Variants in MTREX observed in about 807,000 individuals in gnomAD.
MTREX encodes the protein Mtr4 exosome RNA helicase.
A neutral mutation model predicts 135.4 loss-of-function variants in MTREX; 76 were observed. The observed-to-expected ratio is 0.56, with a 90% confidence interval of 0.47 to 0.68. The LOEUF (loss-of-function observed/expected upper bound fraction) is 0.68, where lower values mean the gene tolerates loss of function less well. Among genes scored for constraint, MTREX ranks in the 30% least tolerant of loss-of-function variants. MTREX has a pLI of 0.00. For synonymous variants in MTREX, 404 were observed against 401.6 expected, an observed-to-expected ratio of 1.01 and a Z score of -0.07; for missense variants, 920 against 1,262.1, an observed-to-expected ratio of 0.73 and a Z score of 4.11.
rs188864721 is a variant in MTREX at position 55,356,194 on chromosome 5, A to C, written c.1534-2379A>C. 4 of 152,866 alleles carry C rather than the reference A, an allele frequency of 2.6e-5. No individual in the cohort carries two copies. The East Asian group carries it at 5.8e-4, about 22-fold the overall frequency. 9.5% of individuals were successfully genotyped at this position (152,866 alleles called of 1,614,324 possible). On this transcript the variant is annotated intron_variant, in intron 14 of 26. Coordinates refer to ENST00000230640, the MANE Select transcript of MTREX (RefSeq NM_015360.5). ...AAGGAAGTGGGACCAGACATTCTTC[A>C]CCTTTTGCTTGCTGTATAGACCTAT... is the stretch of plus-strand genomic sequence containing the variant.
rs531285287 is a variant in MTREX at position 55,328,075 on chromosome 5, A to G, written c.402+297A>G. Among the ~76,000 whole-genome samples, 5 of 152,244 alleles carry G rather than the reference A, an allele frequency of 3.3e-5. No individual in the cohort carries two copies. In the South Asian group the frequency reaches 6.2e-4, roughly 19 times the overall value. On this transcript the variant is annotated intron_variant, in intron 4 of 26. Coordinates refer to ENST00000230640, the MANE Select transcript of MTREX (RefSeq NM_015360.5). Reference sequence around the variant, plus strand: ...AATACATGTGTACTAGTTTTTGCCTATAGTTTTAGGGTTTTAACAGGCTTC... The same window carrying G: ...AATACATGTGTACTAGTTTTTGCCTGTAGTTTTAGGGTTTTAACAGGCTTC...
intron 11 of MTREX, among the ~76,000 whole-genome samples, chr5:55,348,152 A>T (rs1016671261): frequency 1.3e-5 from 2 of 152,284 alleles, no homozygotes; most frequent in Middle Eastern, 3.4e-3. Context: ...ATCCAATTTG[A>T]GGGACCCAGC....
At chr5:55,325,792 A>C (rs956921840) in intron 3 of MTREX, among the ~76,000 whole-genome samples, 3 of 152,026 alleles carry the variant, frequency 2.0e-5, no homozygotes, top group African/African-American at 7.2e-5. Context: ...CTGCTGTTGG[A>C]GTCCTCAGTG....
At chr5:55,419,132 A>G (rs1312993706) in intron 25 of MTREX, among the ~76,000 whole-genome samples, 4 of 152,212 alleles carry the variant, frequency 2.6e-5, no homozygotes, top group African/African-American at 9.6e-5. Context: ...GGCATGAGCC[A>G]CTGCAGCTGG....
At position 55,308,611 on chromosome 5, in the gene MTREX, A is replaced by G. The variant is rs1250161121; in HGVS notation, c.134+464A>G. Among the ~76,000 whole-genome samples, 8 of 152,190 alleles carry G rather than the reference A, an allele frequency of 5.3e-5. No homozygotes were observed. In the South Asian group the frequency reaches 1.2e-3, roughly 24 times the overall value. On this transcript the variant is annotated intron_variant, in intron 1 of 26. Transcript: ENST00000230640. ...TTTTCTCTTCCGTAAAATGGAGATA[A>G]TAGTGCCTACCACTGGTGGATATGA...
At chr5:55,405,704 G>A (rs1026662947) in intron 22 of MTREX, 116 bp downstream of exon 22, 48 of 756,062 alleles carry the variant, frequency 6.3e-5, no homozygotes, top group Non-Finnish European at 9.3e-5. Flanking sequence ...GTGCACTGGC[G>A]CAATCTCAGC....
chr5:55,405,779 G>C (rs1197966122), intron 22 of MTREX, among the ~76,000 whole-genome samples, 191 bp downstream of exon 22: 1 of 152,070 alleles, frequency 6.6e-6, no homozygotes, highest in African/African-American at 2.4e-5. Flanking sequence ...TAGGAAAAAA[G>C]AGCTTTCTTA....
Position 55,400,221 on chromosome 5 carries a change from TA to T in MTREX, c.2293-11del. 1 of 1,542,616 alleles carries T rather than the reference TA, an allele frequency of 6.5e-7. No homozygotes were observed. Among genetic ancestry groups the T allele is most frequent in the Admixed American group, 2.0e-5 (1 of 48,994 alleles). On this transcript the variant is annotated splice_polypyrimidine_tract_variant and intron_variant, in intron 20 of 26. Transcript: ENST00000230640. ...CTATAAGATGAAAATGAATTTTACATATTTTTTTCAGGAAGTTCAGAAACGT... is the reference window on the plus strand; with the variant it reads ...CTATAAGATGAAAATGAATTTTACATTTTTTTTCAGGAAGTTCAGAAACGT...
chr5:55,398,490 A>G (rs988685309), intron 20 of MTREX, among the ~76,000 whole-genome samples: 1 of 152,226 alleles, frequency 6.6e-6, no homozygotes, highest in African/African-American at 2.4e-5. Flanking sequence ...TTCCAAAACA[A>G]TCACTCCTAG....
chr5:55,329,036 C>T (rs907352159), intron 5 of MTREX, among the ~76,000 whole-genome samples: 1 of 152,114 alleles, frequency 6.6e-6, no homozygotes, highest in Admixed American at 6.5e-5. Flanking sequence ...AGGCTTTCAT[C>T]GTTAAGCATG....
chr5:55,320,310 C>T (rs1049163335), intron 1 of MTREX, among the ~76,000 whole-genome samples: 3 of 151,756 alleles, frequency 2.0e-5, no homozygotes, highest in East Asian at 1.9e-4. Context: ...CTCCACCTCC[C>T]GGGTTCACAC....
intron 18 of MTREX, among the ~76,000 whole-genome samples, chr5:55,380,457 T>G (rs576183763): frequency 5.9e-5 from 9 of 152,280 alleles, no homozygotes; most frequent in African/African-American, 2.2e-4. Flanking sequence ...CTGTTCCTGG[T>G]GTGTTGAGTG....
At chr5:55,369,958 T>C (rs1308902144) in intron 16 of MTREX, among the ~76,000 whole-genome samples, 1 of 151,668 alleles carries the variant, frequency 6.6e-6, no homozygotes, top group African/African-American at 2.4e-5. Context: ...TCATCATTCC[T>C]ATTGCCCAGG....
chr5:55,320,407 C>T (rs1034867472), intron 1 of MTREX, among the ~76,000 whole-genome samples: 4 of 151,906 alleles, frequency 2.6e-5, no homozygotes, highest in African/African-American at 4.8e-5. Flanking sequence ...GTAGAGACGA[C>T]GGGGTTTCAC....
At chr5:55,416,690 A>C (rs1469647597) in intron 25 of MTREX, among the ~76,000 whole-genome samples, 1 of 152,208 alleles carries the variant, frequency 6.6e-6, no homozygotes, top group East Asian at 1.9e-4. Context: ...AGAAGCAAAA[A>C]AATAAGTAGA....
chr5:55,419,512 A>C (rs985366871), intron 25 of MTREX, among the ~76,000 whole-genome samples: 2 of 152,238 alleles, frequency 1.3e-5, no homozygotes, highest in African/African-American at 4.8e-5. Flanking sequence ...CTGGAAAAAA[A>C]ATGACAGAAT....
chr5:55,391,698 A>G (rs956799514), intron 19 of MTREX, among the ~76,000 whole-genome samples: 5 of 152,142 alleles, frequency 3.3e-5, no homozygotes, highest in Non-Finnish European at 5.9e-5. Flanking sequence ...ATTTTTTTCT[A>G]CTGATCCCAA....
chr5:55,355,189 G>A (rs1031305331), intron 14 of MTREX, among the ~76,000 whole-genome samples: 3 of 152,140 alleles, frequency 2.0e-5, no homozygotes, highest in African/African-American at 7.2e-5. Context: ...TGCATGATGG[G>A]TGTGTATGAT....
At position 55,388,080 on chromosome 5, in the gene MTREX, C is replaced by T; in HGVS notation, c.2159C>T (p.Pro720Leu). The T allele has an allele frequency of 6.2e-7, 1 of 1,607,178 alleles. No individual in the cohort carries two copies. The highest frequency in any genetic ancestry group is 8.5e-7 in the Non-Finnish European group (1 of 1,175,246). ...ACAGAAGCTGCAAAACCAGCTAAAC[C>T]TGATGAGAAAGGAGAGATGCAGGTT... ...SATEAAKPAK[P>L]DEKGEMQVVP... Residue 720 changes from proline to leucine, a missense_variant, in exon 19 of 27, where the codon CCT becomes CTT. By Grantham distance (98) the Pro-to-Leu change is moderately conservative. Around this residue, in one of 6 missense-constraint regions of MTREX, gnomAD observed 467 missense variants for 589.7 expected, o/e 0.79. Coordinates refer to ENST00000230640, the MANE Select transcript of MTREX (RefSeq NM_015360.5).
Sources: allele counts gnomAD v4.1 joint callset (sites outside exome capture counted in the v4.1 genomes callset), GRCh38; gene constraint gnomAD v4.1.1; regional missense constraint gnomAD v4.1.1; transcripts MANE v1.5; gene names NCBI Gene and HGNC (gene_info 2026-07-23, HGNC 2026-07-21).